The following PCDHA5 variants were observed in gnomAD, a reference collection of about 807,000 sequenced individuals.
PCDHA5 encodes the protein protocadherin alpha-5.
A neutral mutation model predicts 61.6 loss-of-function variants in PCDHA5; 43 were observed. The observed-to-expected ratio is 0.70, with a 90% CI of 0.55 to 0.90. The LOEUF is 0.90. PCDHA5 is among the 40% of genes least tolerant of loss of function. The pLI is 0.00. For missense variants in PCDHA5, 1,298 were observed against 1,222.7 expected (o/e 1.06, Z -0.92); for synonymous variants, 627 against 543.9 (o/e 1.15, Z -2.13).
chr5:140,920,632 T>C (rs1054888668), intron 1 of PCDHA5, among the ~76,000 whole-genome samples: 2 of 152,018 alleles, frequency 1.3e-5, no homozygotes, highest in Non-Finnish European at 2.9e-5. Context: ...GATCACAAGG[T>C]CAAGAGATTG....
At chr5:140,935,374 T>A (rs2090335210) in intron 1 of PCDHA5, among the ~76,000 whole-genome samples, 1 of 152,248 alleles carries the variant, frequency 6.6e-6, no homozygotes. Flanking sequence ...GTCAACAGAA[T>A]TACTCATTTG....
chr5:140,842,398 A>T, intron 1 of PCDHA5: 1 of 1,611,514 alleles, frequency 6.2e-7, no homozygotes, highest in Admixed American at 1.7e-5. Flanking sequence ...CCTTGCCTGT[A>T]CGTGAAGACG....
chr5:140,972,660 ATTTTTTTTT>A (rs11350929), intron 1 of PCDHA5, among the ~76,000 whole-genome samples: 1 of 117,268 alleles, frequency 8.5e-6, no homozygotes, highest in Non-Finnish European at 1.7e-5. Flanking sequence ...AAGAAACCAA[ATTTTTTTTT>A]TTTTTTTTTT....
chr5:140,834,430 T>G lies in PCDHA5; in HGVS notation c.2352+10303T>G, dbSNP rs1772988192. 1.9e-6 allele frequency: 3 copies of G among 1,613,806 alleles called. No homozygotes were observed. In the East Asian group the frequency reaches 6.7e-5, roughly 36 times the overall value. On this transcript the variant is annotated intron_variant, in intron 1 of 3. Coordinates refer to ENST00000529859, the MANE Select transcript of PCDHA5 (RefSeq NM_018908.3). ...GACCCAGGGGGCCGACATCTACTGC[T>G]GTTTATTATAATTCTAGCAGCTTGG...
chr5:140,882,779 C>G (rs1554175579), intron 1 of PCDHA5: 2 of 1,614,168 alleles, frequency 1.2e-6, no homozygotes, highest in Non-Finnish European at 8.5e-7. Context: ...ATTGACCTAC[C>G]GACTGGATCC....
chr5:141,008,438 A>G (rs1214725080), intron 3 of PCDHA5, among the ~76,000 whole-genome samples: 1 of 152,204 alleles, frequency 6.6e-6, no homozygotes, highest in Admixed American at 6.5e-5. Flanking sequence ...TTGCCCAGAC[A>G]GACCATTACC....
chr5:140,844,325 T>G (rs2150370543), intron 1 of PCDHA5, among the ~76,000 whole-genome samples: 1 of 149,576 alleles, frequency 6.7e-6, no homozygotes, highest in African/African-American at 2.4e-5. Context: ...AATTTTATTA[T>G]AAACTAGTTA....
chr5:140,827,977 T>C, intron 1 of PCDHA5: 1 of 1,408,282 alleles, frequency 7.1e-7, no homozygotes, highest in Non-Finnish European at 9.6e-7. Context: ...CATCATTCCC[T>C]GACTGTTGAA....
rs941007574 is a variant in PCDHA5 at position 141,010,090 on chromosome 5, C to G, written c.*153C>G. ...AAGTTCCCTGTGTCTGTCTAGAACG[C>G]ATTTAACAGGTTTTGTCGTAAAAGC... On this transcript the variant is annotated 3_prime_UTR_variant, in exon 4 of 4. Transcript: ENST00000529859. 1.5e-5 allele frequency: 24 copies of G among 1,612,636 alleles called. No homozygotes were observed. Among genetic ancestry groups the G allele is most frequent in the Non-Finnish European group, 2.0e-5 (24 of 1,179,276 alleles).
intron 3 of PCDHA5, among the ~76,000 whole-genome samples, chr5:141,003,475 G>A (rs934289848): frequency 2.0e-5 from 3 of 151,932 alleles, no homozygotes; most frequent in Non-Finnish European, 2.9e-5. Flanking sequence ...CCACAGTCTC[G>A]CTAATTTTTA....
intron 1 of PCDHA5, chr5:140,857,365 C>G (rs251362): frequency 0.53 from 847,286 of 1,597,488 alleles, 260,121 homozygotes; most frequent in South Asian, 0.6. Flanking sequence ...CCACGGCCAG[C>G]GTGTCTGTGG....
intron 3 of PCDHA5, among the ~76,000 whole-genome samples, chr5:140,992,722 C>T (rs1455058842): frequency 1.3e-5 from 2 of 152,154 alleles, no homozygotes; most frequent in Non-Finnish European, 2.9e-5. Context: ...ATTCGTAAAT[C>T]CCACCTGCTT....
At chr5:140,875,966 ACT>A (rs782792514) in intron 1 of PCDHA5, 11 of 1,613,922 alleles carry the variant, frequency 6.8e-6, no homozygotes, top group Admixed American at 6.7e-5. Context: ...ATCGGCGTAA[ACT>A]CTCTTTTGAC....
At chr5:140,854,909 G>C (rs1295662316) in intron 1 of PCDHA5, among the ~76,000 whole-genome samples, 1 of 149,376 alleles carries the variant, frequency 6.7e-6, no homozygotes, top group Non-Finnish European at 1.5e-5. Flanking sequence ...AATATAACAG[G>C]GTTGAAAGCA....
intron 3 of PCDHA5, among the ~76,000 whole-genome samples, chr5:140,993,460 T>TCACACACACA (rs1554253699): frequency 5.7e-5 from 6 of 104,506 alleles, no homozygotes; most frequent in African/African-American, 7.8e-5. Flanking sequence ...CTTCTTTCTT[T>TCACACACACA]CTCACACACA....
chr5:140,879,948 C>T (rs1025902128), intron 1 of PCDHA5, among the ~76,000 whole-genome samples: 1 of 152,168 alleles, frequency 6.6e-6, no homozygotes, highest in Non-Finnish European at 1.5e-5. Context: ...ATTTAGGGCC[C>T]ATCTGGATAA....
At chr5:140,830,198 G>A (rs2150099419) in intron 1 of PCDHA5, 1 of 1,613,708 alleles carries the variant, frequency 6.2e-7, no homozygotes, top group Non-Finnish European at 8.5e-7. Context: ...CCTGATCATC[G>A]CCATCTGCGC....
intron 1 of PCDHA5, chr5:140,877,193 G>C: frequency 6.2e-7 from 1 of 1,613,832 alleles, no homozygotes; most frequent in Non-Finnish European, 8.5e-7. Flanking sequence ...GGCAGCGCAG[G>C]AGGCGCAGTT....
intron 1 of PCDHA5, chr5:140,843,540 T>C: frequency 6.3e-7 from 1 of 1,595,966 alleles, no homozygotes; most frequent in Non-Finnish European, 8.6e-7. Context: ...CCCACTCTGG[T>C]GTGCTCCAGT....
Sources: allele counts gnomAD v4.1 joint callset (sites outside exome capture counted in the v4.1 genomes callset), GRCh38; gene constraint gnomAD v4.1.1; transcripts MANE v1.5; gene names NCBI Gene and HGNC (gene_info 2026-07-23, HGNC 2026-07-21).